Variants in PTPRD observed in about 807,000 individuals in gnomAD.
PTPRD encodes receptor-type tyrosine-protein phosphatase delta.
PTPRD carries 34 observed loss-of-function variants against 214.5 expected under a neutral mutation model. The ratio of observed to expected loss-of-function variants is 0.16; its 90% CI spans 0.12 to 0.21. PTPRD has a LOEUF of 0.21. PTPRD is among the 10% of genes least tolerant of loss of function. The probability of loss-of-function intolerance (pLI) is 1.00; values close to 1 mark genes in which losing one functional copy is unlikely to be tolerated. For missense variants in PTPRD, 2,545 were observed against 2,398.7 expected (o/e 1.06, Z -1.27); for synonymous variants, 1,128 against 845.7 (o/e 1.33, Z -5.79).
intron 12 of PTPRD, among the ~76,000 whole-genome samples, chr9:8,656,930 T>C (rs139121078): frequency 2.0e-5 from 3 of 152,136 alleles, no homozygotes; most frequent in Non-Finnish European, 4.4e-5. Context: ...TAGCTTTACA[T>C]CACAGAAATT....
At chr9:8,548,874 A>G (rs2081137180) in intron 14 of PTPRD, among the ~76,000 whole-genome samples, 1 of 151,384 alleles carries the variant, frequency 6.6e-6, no homozygotes, top group Non-Finnish European at 1.5e-5. Context: ...TTGTATTTTT[A>G]GTAGAGACGG....
intron 11 of PTPRD, among the ~76,000 whole-genome samples, chr9:8,904,630 C>A (rs2098694942): frequency 6.6e-6 from 1 of 150,430 alleles, no homozygotes; most frequent in Non-Finnish European, 1.5e-5. Context: ...TGAGATCACA[C>A]CACTGCACTC....
At position 8,548,676 on chromosome 9, in the gene PTPRD, ATTTTTTTTTTTTTTTTTT is replaced by A. The variant is rs71317369; in HGVS notation, c.353-19915_353-19898del. Among the ~76,000 whole-genome samples, 375 of 41,150 alleles carry A rather than the reference ATTTTTTTTTTTTTTTTTT, an allele frequency of 9.1e-3. 8 individuals carry two copies. Among genetic ancestry groups the A allele is most frequent in the African/African-American group, 0.029 (345 of 11,926 alleles). 27.0% of individuals were successfully genotyped at this position (41,150 alleles called of 152,430 possible). On this transcript the variant is annotated intron_variant, in intron 14 of 45. Transcript: ENST00000381196. ...AGCCATTGCACCCAGCTGGAGCTGGATTTTTTTTTTTTTTTTTTTTTTTTTTTTTTTTTTTGAGACGGA... is the reference window on the plus strand; with the variant it reads ...AGCCATTGCACCCAGCTGGAGCTGGATTTTTTTTTTTTTTTTTGAGACGGA...
At chr9:9,726,342 G>A (rs867471494) in intron 7 of PTPRD, among the ~76,000 whole-genome samples, 35 of 152,118 alleles carry the variant, frequency 2.3e-4, no homozygotes, top group African/African-American at 8.4e-4. Context: ...GGGTATCTCA[G>A]AAGTAAGAAA....
chr9:9,831,623 C>G (rs1432889046), intron 5 of PTPRD, among the ~76,000 whole-genome samples: 2 of 151,980 alleles, frequency 1.3e-5, no homozygotes, highest in Non-Finnish European at 2.9e-5. Context: ...TGCTAACCAA[C>G]TACCTCTCAA....
intron 34 of PTPRD, among the ~76,000 whole-genome samples, chr9:8,446,812 T>C (rs1479043473): frequency 1.3e-5 from 2 of 152,198 alleles, no homozygotes; most frequent in Non-Finnish European, 2.9e-5. Flanking sequence ...TATTTCATTA[T>C]CCAAGAAAAC....
At chr9:8,637,779 G>A (rs1315737187) in intron 12 of PTPRD, among the ~76,000 whole-genome samples, 1 of 152,132 alleles carries the variant, frequency 6.6e-6, no homozygotes, top group Non-Finnish European at 1.5e-5. Flanking sequence ...CTGTCACAGT[G>A]AAATAAAATA....
intron 8 of PTPRD, among the ~76,000 whole-genome samples, chr9:9,522,157 CAA>C (rs770450649): frequency 8.4e-4 from 34 of 40,442 alleles, no homozygotes; most frequent in African/African-American, 2.0e-3. Context: ...ATCTCCATCT[CAA>C]AAAAAAAAAA....
chr9:9,513,269 A>C (rs1244842001), intron 8 of PTPRD, among the ~76,000 whole-genome samples: 2 of 151,990 alleles, frequency 1.3e-5, no homozygotes, highest in Non-Finnish European at 2.9e-5. Context: ...GTAAGTGCTA[A>C]AATGTCTCAC....
At chr9:10,103,297 A>G (rs887107350) in intron 3 of PTPRD, among the ~76,000 whole-genome samples, 3 of 150,084 alleles carry the variant, frequency 2.0e-5, no homozygotes, top group Non-Finnish European at 4.4e-5. Context: ...TGATTATCAC[A>G]ATTTTCTTCC....
At chr9:8,927,882 T>C (rs980822885) in intron 11 of PTPRD, among the ~76,000 whole-genome samples, 1 of 152,230 alleles carries the variant, frequency 6.6e-6, no homozygotes, top group Non-Finnish European at 1.5e-5. Context: ...GTTTCCTGAC[T>C]TTTTAATGAT....
chr9:9,509,313 T>C (rs1590204358), intron 8 of PTPRD, among the ~76,000 whole-genome samples: 1 of 151,496 alleles, frequency 6.6e-6, no homozygotes, highest in Non-Finnish European at 1.5e-5. Context: ...TTTGAATAAA[T>C]ATAAATATAG....
At chr9:9,227,932 T>C (rs1405353310) in intron 9 of PTPRD, among the ~76,000 whole-genome samples, 1 of 152,068 alleles carries the variant, frequency 6.6e-6, no homozygotes, top group Non-Finnish European at 1.5e-5. Context: ...ACAGAAATGA[T>C]GAGATAATAT....
At chr9:9,831,665 T>C (rs1296149589) in intron 5 of PTPRD, among the ~76,000 whole-genome samples, 2 of 152,016 alleles carry the variant, frequency 1.3e-5, no homozygotes, top group South Asian at 2.1e-4. Context: ...GATTCCAGCA[T>C]AACCTGAAGA....
In PTPRD at chr9:9,305,183, T is replaced by G. The variant is rs183526425; in HGVS notation, c.-203+92266A>C. On this transcript the variant is annotated intron_variant, in intron 9 of 45. Coordinates refer to ENST00000381196, the MANE Select transcript of PTPRD (RefSeq NM_002839.4). Reference sequence around the variant, plus strand: ...AATACAGTACACATATTTCAGACATTCCATTTTCCAAAATTGTCTTCGTAA... The same window carrying G: ...AATACAGTACACATATTTCAGACATGCCATTTTCCAAAATTGTCTTCGTAA... 5.3e-5 allele frequency among the ~76,000 whole-genome samples: 8 copies of G among 151,894 alleles called. No homozygotes were observed. The Admixed American group carries it at 5.3e-4, about 10-fold the overall frequency.
intron 7 of PTPRD, among the ~76,000 whole-genome samples, chr9:9,592,235 A>T (rs2092806925): frequency 6.6e-6 from 1 of 152,070 alleles, no homozygotes; most frequent in African/African-American, 2.4e-5. Context: ...CTTTTGCCTA[A>T]ATTATATCTT....
At chr9:9,760,547 T>C (rs934053979) in intron 6 of PTPRD, among the ~76,000 whole-genome samples, 1 of 151,454 alleles carries the variant, frequency 6.6e-6, no homozygotes, top group Admixed American at 6.6e-5. Context: ...CCTGATTGTC[T>C]GTCTGGACTT....
intron 2 of PTPRD, among the ~76,000 whole-genome samples, chr9:10,543,369 A>C (rs909013842): frequency 5.9e-5 from 9 of 152,128 alleles, no homozygotes; most frequent in Admixed American, 5.2e-4. Flanking sequence ...TCTGACTGCT[A>C]AGAGTTCTTT....
intron 2 of PTPRD, among the ~76,000 whole-genome samples, chr9:10,368,289 T>G (rs184300108): frequency 3.9e-5 from 6 of 152,114 alleles, no homozygotes; most frequent in African/African-American, 1.4e-4. Context: ...AAAGAAGTTA[T>G]CTAACTCATA....
Sources: allele counts gnomAD v4.1 joint callset (sites outside exome capture counted in the v4.1 genomes callset), GRCh38; gene constraint gnomAD v4.1.1; transcripts MANE v1.5; gene names NCBI Gene and HGNC (gene_info 2026-07-23, HGNC 2026-07-21).